GUCY1A1: variants seen among roughly 807,000 people sequenced by gnomAD.
GUCY1A1 encodes guanylate cyclase soluble subunit alpha-1.
GUCY1A1 carries 48 observed loss-of-function variants against 64.5 expected under a neutral mutation model. That is an observed-to-expected ratio of 0.74 (90% CI 0.59 to 0.95). The LOEUF (loss-of-function observed/expected upper bound fraction) is 0.95. Among genes scored for constraint, GUCY1A1 ranks in the 40% least tolerant of loss-of-function variants. GUCY1A1 has a pLI of 0.00. For missense variants in GUCY1A1, 804 were observed against 825.3 expected (o/e 0.97, Z 0.32); for synonymous variants, 308 against 303.4 (o/e 1.02, Z -0.16).
intron 9 of GUCY1A1, among the ~76,000 whole-genome samples, chr4:155,726,963 G>A (rs1009907435): frequency 2.0e-5 from 3 of 151,924 alleles, no homozygotes; most frequent in Non-Finnish European, 2.9e-5. Context: ...ATACATGGAT[G>A]CTGTCCAGTT....
chr4:155,676,418 A>G (rs981973013), intron 2 of GUCY1A1, among the ~76,000 whole-genome samples: 1 of 151,080 alleles, frequency 6.6e-6, no homozygotes, highest in Admixed American at 6.6e-5. Context: ...CCTAAATCAA[A>G]CCAGAGGAAA....
At chr4:155,723,460 G>C (rs1334726236) in intron 9 of GUCY1A1, among the ~76,000 whole-genome samples, 1 of 151,960 alleles carries the variant, frequency 6.6e-6, no homozygotes, top group Non-Finnish European at 1.5e-5. Flanking sequence ...CCAATCCGTG[G>C]TAACTAGAAA....
intron 4 of GUCY1A1, among the ~76,000 whole-genome samples, chr4:155,705,876 GT>G (rs1268764573): frequency 6.6e-6 from 1 of 152,156 alleles, no homozygotes; most frequent in Admixed American, 6.6e-5. Flanking sequence ...CAGAAGCTTT[GT>G]TTACACGAGT....
At chr4:155,670,232 T>G (rs966436159) in intron 2 of GUCY1A1, among the ~76,000 whole-genome samples, 1 of 152,222 alleles carries the variant, frequency 6.6e-6, no homozygotes, top group African/African-American at 2.4e-5. Flanking sequence ...TATTTATTAC[T>G]TTTCTGCACA....
In GUCY1A1 at chr4:155,735,939, G is replaced by T. The variant is rs1002816358; in HGVS notation, c.*5708G>T. 6.6e-6 allele frequency: 1 copy of T among 151,938 alleles called. No individual in the cohort carries two copies. The highest frequency in any genetic ancestry group is 1.5e-5 in the Non-Finnish European group (1 of 67,930). 9.4% of individuals were successfully genotyped at this position (151,938 alleles called of 1,614,324 possible). A position where few individuals can be genotyped will look rare whatever the true frequency, so the allele number is the denominator to read the frequency against. On this transcript the variant is annotated 3_prime_UTR_variant, in exon 10 of 10. Transcript: ENST00000506455. ...AGCATCCAGACACTGCTTAATCACA[G>T]TGAGCTGCCGTCTTCCCTGAATAAG...
chr4:155,679,477 G>A (rs541918618), intron 2 of GUCY1A1, among the ~76,000 whole-genome samples: 17 of 152,280 alleles, frequency 1.1e-4, no homozygotes, highest in African/African-American at 2.6e-4. Context: ...GGGAGCCAGC[G>A]TGTGCAGAGA....
rs754412172 is a variant in GUCY1A1 at position 155,713,545 on chromosome 4, C to T, written c.1534C>T (p.Arg512Cys). 59 of 1,613,718 alleles carry T rather than the reference C, an allele frequency of 3.7e-5. No homozygotes were observed. Among genetic ancestry groups the T allele is most frequent in the Non-Finnish European group, 4.6e-5 (54 of 1,179,794 alleles). ...CACCATGCTCAATGCACTGTACACT[C>T]GCTTCGACCAGCAGTGTGGAGAGCT... ...VITMLNALYTRFDQQCGELDV... is the reference protein window; with the variant it reads ...VITMLNALYTCFDQQCGELDV... The change falls in exon 7 of 10, where the codon CGC becomes TGC. Residue 512 changes from arginine to cysteine, a missense_variant. Physicochemically the swap from Arg to Cys is radical, Grantham distance 180. Coordinates refer to ENST00000506455, the MANE Select transcript of GUCY1A1 (RefSeq NM_001130682.3).
rs1730479041 is a variant in GUCY1A1, at chr4:155,696,885, C to G, written c.18C>G (p.Leu6=). Residue 6 remains leucine (L), a synonymous_variant, in exon 3 of 10, where the codon CTC becomes CTG. Coordinates refer to ENST00000506455, the MANE Select transcript of GUCY1A1 (RefSeq NM_001130682.3). MFCTK[L]KDLKITGECP... is the part of the protein sequence containing the mutation. ...CCAACACCATGTTCTGCACGAAGCTCAAGGATCTCAAGATCACAGGAGAGT... is the reference window on the plus strand; with the variant it reads ...CCAACACCATGTTCTGCACGAAGCTGAAGGATCTCAAGATCACAGGAGAGT... The G allele has an allele frequency of 6.2e-7, 1 of 1,613,424 alleles. No homozygotes were observed. The highest frequency in any genetic ancestry group is 1.3e-5 in the African/African-American group (1 of 74,880).
chr4:155,729,802 T>A (rs1735301755), intron 9 of GUCY1A1, among the ~76,000 whole-genome samples: 1 of 151,802 alleles, frequency 6.6e-6, no homozygotes, highest in Non-Finnish European at 1.5e-5. Flanking sequence ...ATTTTATAAT[T>A]TTTTCCAGTG....
At chr4:155,714,538 T>C (rs929750302) in intron 7 of GUCY1A1, among the ~76,000 whole-genome samples, 1 of 152,246 alleles carries the variant, frequency 6.6e-6, no homozygotes, top group African/African-American at 2.4e-5. Flanking sequence ...TAAATTACTT[T>C]GCTTTCTTTT....
chr4:155,724,407 C>T (rs766544191), intron 9 of GUCY1A1, among the ~76,000 whole-genome samples: 3 of 152,082 alleles, frequency 2.0e-5, no homozygotes, highest in Non-Finnish European at 4.4e-5. Flanking sequence ...GTTGTCTATA[C>T]TCACTATCTG....
At position 155,732,687 on chromosome 4, in the gene GUCY1A1, C is replaced by A. The variant is rs1250050791; in HGVS notation, c.*2456C>A. On this transcript the variant is annotated 3_prime_UTR_variant, in exon 10 of 10. Transcript: ENST00000506455. ...TGAAGATGGAAAAATAGTGGACAAA[C>A]AGCCTGTAATCAGGTTGGGGATTAC... Among the ~76,000 whole-genome samples, 1 of 151,838 alleles carries A rather than the reference C, an allele frequency of 6.6e-6. No individual in the cohort carries two copies. Among genetic ancestry groups the A allele is most frequent in the African/African-American group, 2.4e-5 (1 of 41,394 alleles).
At chr4:155,680,886 G>A (rs77692002) in intron 2 of GUCY1A1, among the ~76,000 whole-genome samples, 6,704 of 151,038 alleles carry the variant, frequency 0.044, 216 homozygotes, top group Admixed American at 0.062. Flanking sequence ...GTGGACCCAT[G>A]GAGTTTGAAT....
intron 7 of GUCY1A1, among the ~76,000 whole-genome samples, chr4:155,714,826 A>G (rs984979041): frequency 1.3e-5 from 2 of 152,242 alleles, no homozygotes; most frequent in African/African-American, 4.8e-5. Context: ...GTATACTTAC[A>G]GAAAAAATAA....
chr4:155,713,499 G>A lies in GUCY1A1; in HGVS notation c.1488G>A (p.Gln496=), dbSNP rs566048196. 3.7e-6 allele frequency: 6 copies of A among 1,614,162 alleles called. No homozygotes were observed. In the African/African-American group the frequency reaches 8.0e-5, roughly 22 times the overall value. Reference sequence around the variant, plus strand: ...TTGGGTTCACTGCCATCTGCTCCCAGTGCTCACCGCTGCAGGTCATCACCA... The same window carrying A: ...TTGGGTTCACTGCCATCTGCTCCCAATGCTCACCGCTGCAGGTCATCACCA... The part of the protein sequence containing the change: ...DIVGFTAICS[Q]CSPLQVITML... Residue 496 remains glutamine (Q), a synonymous_variant, in exon 7 of 10, where the codon CAG becomes CAA. Transcript: ENST00000506455.
intron 2 of GUCY1A1, among the ~76,000 whole-genome samples, chr4:155,689,205 C>T (rs1254115279): frequency 6.6e-6 from 1 of 151,754 alleles, no homozygotes; most frequent in African/African-American, 2.4e-5. Context: ...AATTACATTT[C>T]TTCCTTAACT....
At chr4:155,693,356 T>C (rs1730002407) in intron 2 of GUCY1A1, among the ~76,000 whole-genome samples, 1 of 152,146 alleles carries the variant, frequency 6.6e-6, no homozygotes, top group Non-Finnish European at 1.5e-5. Context: ...TTATTTTAAT[T>C]TATTTGTTTT....
chr4:155,710,586 T>C lies in GUCY1A1; in HGVS notation c.421T>C (p.Phe141Leu). Residue 141 changes from phenylalanine to leucine, a missense_variant, in exon 6 of 10, where the codon TTT becomes CTT. By Grantham distance (22) the Phe-to-Leu change is conservative (BLOSUM62 0). Transcript: ENST00000506455. ...VIKESLGEEV[F>L]KICYEEDENI... Reference sequence around the variant, plus strand: ...CAAAGAATCTCTTGGTGAAGAGGTTTTTAAAATATGTTACGAGGAAGATGA... The same window carrying C: ...CAAAGAATCTCTTGGTGAAGAGGTTCTTAAAATATGTTACGAGGAAGATGA... 6.2e-7 allele frequency: 1 copy of C among 1,611,954 alleles called. No homozygotes were observed.
chr4:155,729,963 A>T, intron 9 of GUCY1A1, 67 bp from the exon 10 acceptor site: 1 of 911,718 alleles, frequency 1.1e-6, no homozygotes, highest in Non-Finnish European at 1.8e-6. Context: ...ACATTCAGTT[A>T]GTTATGTTGT....
Sources: allele counts gnomAD v4.1 joint callset (sites outside exome capture counted in the v4.1 genomes callset), GRCh38; gene constraint gnomAD v4.1.1; transcripts MANE v1.5; gene names NCBI Gene and HGNC (gene_info 2026-07-23, HGNC 2026-07-21).